FBN2: variants seen among roughly 807,000 people sequenced by gnomAD.
FBN2 encodes the protein fibrillin-2.
Under a neutral mutation model 355.6 loss-of-function variants are expected in FBN2, and 105 were observed. The observed-to-expected ratio is 0.30, with a 90% confidence interval of 0.25 to 0.35. FBN2 has a LOEUF of 0.35. FBN2 is among the 10% of genes least tolerant of loss of function. The probability of loss-of-function intolerance (pLI) is 1.00; values close to 1 mark genes in which losing one functional copy is unlikely to be tolerated. For synonymous variants in FBN2, 1,350 were observed against 1,301.2 expected, an observed-to-expected ratio of 1.04 and a Z score of -0.81; for missense variants, 3,280 against 3,758.7, an observed-to-expected ratio of 0.87 and a Z score of 3.33.
At chr5:128,287,550 C>T (rs1166984320) in intron 53 of FBN2, 120 bp from the exon 54 acceptor site, 2 of 1,044,966 alleles carry the variant, frequency 1.9e-6, no homozygotes, top group Middle Eastern at 2.4e-4. Context: ...AGAACTTACA[C>T]ATCTGGTACG....
At chr5:128,399,968 A>G (rs4492151) in intron 8 of FBN2, among the ~76,000 whole-genome samples, 16,762 of 152,058 alleles carry the variant, frequency 0.11, 1,105 homozygotes, top group African/African-American at 0.17. Flanking sequence ...AAAAACAAAT[A>G]TATCAGTAAT....
chr5:128,519,900 G>A lies in FBN2; in HGVS notation c.533-532C>T, dbSNP rs149388099. 2.9e-3 allele frequency among the ~76,000 whole-genome samples: 442 copies of A among 152,044 alleles called. 2 individuals are homozygous for A. The highest frequency in any genetic ancestry group is 0.01 in the African/African-American group (424 of 41,470). On this transcript the variant is annotated intron_variant, in intron 4 of 64. Transcript: ENST00000262464. The stretch of plus-strand genomic sequence containing the variant: ...GAAAAGGAAGCCAAGGGGGGAAAAG[G>A]TAAAGCTGGAAGGGCAAAACAAAGA...
intron 39 of FBN2, among the ~76,000 whole-genome samples, chr5:128,310,405 T>A (rs28615480): frequency 0.018 from 122 of 6,942 alleles, no homozygotes; most frequent in Non-Finnish European, 0.024. Context: ...TATATATATT[T>A]TTTTTTTTTT....
intron 16 of FBN2, among the ~76,000 whole-genome samples, chr5:128,368,596 C>A (rs1751846755): frequency 2.6e-5 from 4 of 151,374 alleles, no homozygotes; most frequent in African/African-American, 9.7e-5. Flanking sequence ...CAGCACAGAT[C>A]AAGGAAACTG....
chr5:128,270,789 T>C (rs945165886), intron 62 of FBN2, among the ~76,000 whole-genome samples: 2 of 152,090 alleles, frequency 1.3e-5, no homozygotes, highest in Admixed American at 1.3e-4. Context: ...GAGTGTGCCA[T>C]ACACTTTGCC....
chr5:128,262,396 T>C (rs935303093), intron 63 of FBN2, among the ~76,000 whole-genome samples: 2 of 152,304 alleles, frequency 1.3e-5, no homozygotes, highest in Middle Eastern at 3.4e-3. Flanking sequence ...TTCCCTTATT[T>C]TGAAACAGCA....
chr5:128,269,691 AAGG>A (rs1294222177), intron 62 of FBN2, among the ~76,000 whole-genome samples: 15 of 152,354 alleles, frequency 9.8e-5, no homozygotes, highest in African/African-American at 2.9e-4. Flanking sequence ...GAATCTTTTC[AAGG>A]AGAACTACAA....
At chr5:128,269,560 A>T (rs1205144432) in intron 62 of FBN2, among the ~76,000 whole-genome samples, 1 of 152,168 alleles carries the variant, frequency 6.6e-6, no homozygotes, top group African/African-American at 2.4e-5. Flanking sequence ...ATGTGCAAGA[A>T]TCACAAGCAT....
chr5:128,517,853 A>G (rs890161608), intron 5 of FBN2, among the ~76,000 whole-genome samples: 2 of 152,226 alleles, frequency 1.3e-5, no homozygotes, highest in African/African-American at 4.8e-5. Context: ...CACAATAAAG[A>G]AAGTGCTGTA....
chr5:128,439,427 C>A (rs936264086), intron 7 of FBN2, among the ~76,000 whole-genome samples: 1 of 152,074 alleles, frequency 6.6e-6, no homozygotes, highest in African/African-American at 2.4e-5. Flanking sequence ...ATTTTATCAA[C>A]ATTTAGAAGT....
chr5:128,290,161 T>C (rs1457910894), intron 50 of FBN2, among the ~76,000 whole-genome samples: 4 of 152,232 alleles, frequency 2.6e-5, no homozygotes, highest in African/African-American at 7.2e-5. Flanking sequence ...TCCTGGTTCT[T>C]TCTGTTTGCT....
At chr5:128,333,080 T>C in intron 31 of FBN2, 46 bp from the exon 32 acceptor site, 1 of 1,509,770 alleles carries the variant, frequency 6.6e-7, no homozygotes, top group Non-Finnish European at 9.2e-7. Context: ...TACAAACTAA[T>C]TAATTCTACT....
chr5:128,305,709 T>C, intron 43 of FBN2, 73 bp from the exon 44 acceptor site: 2 of 1,601,972 alleles, frequency 1.2e-6, no homozygotes, highest in Admixed American at 1.7e-5. Flanking sequence ...CGTCACACTT[T>C]GATGATCAAC....
chr5:128,511,191 A>G (rs1365857236), intron 5 of FBN2, among the ~76,000 whole-genome samples: 1 of 152,232 alleles, frequency 6.6e-6, no homozygotes, highest in Non-Finnish European at 1.5e-5. Flanking sequence ...ACATGCAGTG[A>G]GTTCTAAGAG....
At position 128,272,053 on chromosome 5, in the gene FBN2, T is replaced by C. The variant is rs781466324; in HGVS notation, c.7906A>G (p.Arg2636Gly). Residue 2636 changes from arginine to glycine, a missense_variant, in exon 62 of 65, where the codon AGA becomes GGA. Physicochemically the swap from Arg to Gly is moderately radical, Grantham distance 125. Coordinates refer to ENST00000262464, the MANE Select transcript of FBN2 (RefSeq NM_001999.4). ...HGCQNILGGY[R>G]CGCPQGYIQH... is the part of the protein sequence containing the mutation. ...ATGTAGCCTTGGGGGCAGCCACATCTGTAGCCACCCAGGATGTTCTGGCAG... is the reference window on the plus strand; with the variant it reads ...ATGTAGCCTTGGGGGCAGCCACATCCGTAGCCACCCAGGATGTTCTGGCAG... The C allele has an allele frequency of 6.2e-7, 1 of 1,614,090 alleles. No homozygotes were observed. The highest frequency in any genetic ancestry group is 8.5e-7 in the Non-Finnish European group (1 of 1,179,958).
At position 128,368,420 on chromosome 5, in the gene FBN2, G is replaced by GTATATA. The variant is rs369622754; in HGVS notation, c.2248+756_2248+761dup. On this transcript the variant is annotated intron_variant, in intron 16 of 64. Transcript: ENST00000262464. Reference sequence around the variant, plus strand: ...TCTTCATATATATGTGTGTGTGTGTGTATATATATATATACACATATATAC... The same window carrying GTATATA: ...TCTTCATATATATGTGTGTGTGTGTGTATATATATATATATATATACACATATATAC... Among the ~76,000 whole-genome samples, 756 of 124,380 alleles carry GTATATA rather than the reference G, an allele frequency of 6.1e-3. 11 individuals are homozygous for GTATATA. Among genetic ancestry groups the GTATATA allele is most frequent in the African/African-American group, 0.02 (690 of 34,730 alleles). 81.6% of individuals were successfully genotyped at this position (124,380 alleles called of 152,430 possible). A position where few individuals can be genotyped will look rare whatever the true frequency, so the allele number is the denominator to read the frequency against.
chr5:128,447,205 A>G (rs918252706), intron 6 of FBN2, among the ~76,000 whole-genome samples: 6 of 152,300 alleles, frequency 3.9e-5, no homozygotes, highest in African/African-American at 1.2e-4. Context: ...AAAGAACAGG[A>G]TAACAGCGAT....
chr5:128,494,504 A>T (rs753158487), intron 5 of FBN2, among the ~76,000 whole-genome samples: 47 of 152,308 alleles, frequency 3.1e-4, no homozygotes, highest in Non-Finnish European at 1.2e-4. Context: ...ATTTAACTGG[A>T]TCAGACTATG....
intron 2 of FBN2, among the ~76,000 whole-genome samples, chr5:128,533,299 A>T (rs1334198998): frequency 6.6e-6 from 1 of 152,116 alleles, no homozygotes; most frequent in Non-Finnish European, 1.5e-5. Context: ...CGGGTTCCAA[A>T]CCAAATGAAG....
Sources: gnomAD v4.1 joint callset for allele counts (sites outside exome capture counted in the v4.1 genomes callset) on GRCh38, gnomAD v4.1.1 for gene constraint, MANE v1.5 for transcripts, NCBI Gene and HGNC (gene_info 2026-07-23, HGNC 2026-07-21) for gene names.